Variants in CNTN4 observed in about 807,000 individuals in gnomAD.
CNTN4 encodes contactin-4.
A neutral mutation model predicts 122.5 loss-of-function variants in CNTN4; 77 were observed. The observed-to-expected ratio is 0.63, with a 90% CI of 0.52 to 0.76. CNTN4 has a LOEUF of 0.76. Ranked by LOEUF, CNTN4 falls within the 30% of genes least tolerant of loss-of-function variation. CNTN4 has a pLI of 0.00. For missense variants in CNTN4, 1,256 were observed against 1,259.1 expected (o/e 1.00, Z 0.04); for synonymous variants, 512 against 447.0 (o/e 1.15, Z -1.83).
chr3:2,238,568 C>G (rs1384129190), intron 2 of CNTN4, among the ~76,000 whole-genome samples: 5 of 151,248 alleles, frequency 3.3e-5, no homozygotes, highest in African/African-American at 7.3e-5. Context: ...TAATGCTTTC[C>G]CTTCAGCTAT....
intron 4 of CNTN4, among the ~76,000 whole-genome samples, chr3:2,579,479 T>C (rs1286617052): frequency 6.6e-6 from 1 of 152,050 alleles, no homozygotes; most frequent in Non-Finnish European, 1.5e-5. Flanking sequence ...CATAGATAGG[T>C]CTGCCACTTA....
intron 7 of CNTN4, among the ~76,000 whole-genome samples, chr3:2,865,533 A>C (rs557712673): frequency 6.6e-6 from 1 of 152,354 alleles, no homozygotes; most frequent in African/African-American, 2.4e-5. Context: ...ACTAGTTCTG[A>C]AACCAGAGGC....
intron 13 of CNTN4, among the ~76,000 whole-genome samples, chr3:2,961,026 C>G (rs1168445220): frequency 3.3e-5 from 2 of 60,038 alleles, no homozygotes; most frequent in Admixed American, 3.5e-4. Flanking sequence ...GTCAGGAGAT[C>G]GAGACCATCC....
chr3:2,949,327 G>A (rs1366890026), intron 13 of CNTN4, among the ~76,000 whole-genome samples: 1 of 152,092 alleles, frequency 6.6e-6, no homozygotes, highest in African/African-American at 2.4e-5. Flanking sequence ...AATTCCTACT[G>A]GATTCATAGA....
chr3:3,012,564 C>T (rs1697340268), intron 14 of CNTN4, among the ~76,000 whole-genome samples: 1 of 152,006 alleles, frequency 6.6e-6, no homozygotes, highest in African/African-American at 2.4e-5. Context: ...GTTCTCCTGC[C>T]TCAACCTCCC....
At chr3:2,982,991 G>C (rs1458632245) in intron 13 of CNTN4, among the ~76,000 whole-genome samples, 1 of 151,908 alleles carries the variant, frequency 6.6e-6, no homozygotes, top group African/African-American at 2.4e-5. Flanking sequence ...GAGGCGGGCG[G>C]ATCACGAGGT....
intron 3 of CNTN4, among the ~76,000 whole-genome samples, chr3:2,519,150 A>G (rs1385226260): frequency 6.6e-6 from 1 of 152,138 alleles, no homozygotes; most frequent in Non-Finnish European, 1.5e-5. Flanking sequence ...TGACAATGAA[A>G]AGGGAAGATC....
chr3:2,323,248 A>G (rs1170164840), intron 2 of CNTN4, among the ~76,000 whole-genome samples: 1 of 152,122 alleles, frequency 6.6e-6, no homozygotes, highest in Non-Finnish European at 1.5e-5. Flanking sequence ...TAACAAAATC[A>G]AGCCCCATTA....
intron 13 of CNTN4, among the ~76,000 whole-genome samples, chr3:2,975,559 C>T (rs780267915): frequency 1.3e-5 from 2 of 152,214 alleles, no homozygotes; most frequent in African/African-American, 4.8e-5. Context: ...ACTTCTTAAG[C>T]ATCTCCATGC....
intron 4 of CNTN4, among the ~76,000 whole-genome samples, chr3:2,613,931 G>T (rs1347685687): frequency 6.6e-6 from 1 of 151,996 alleles, no homozygotes; most frequent in Non-Finnish European, 1.5e-5. Flanking sequence ...CAAATACTGA[G>T]TACCTTCTAT....
At chr3:2,640,599 G>A (rs769853884) in intron 4 of CNTN4, among the ~76,000 whole-genome samples, 1 of 151,988 alleles carries the variant, frequency 6.6e-6, no homozygotes, top group Non-Finnish European at 1.5e-5. Context: ...GATAATAACT[G>A]GACACAAGAA....
chr3:2,653,856 T>C (rs1040002003), intron 4 of CNTN4, among the ~76,000 whole-genome samples: 4 of 152,218 alleles, frequency 2.6e-5, no homozygotes, highest in African/African-American at 7.2e-5. Context: ...GACCAGTTCG[T>C]CTCTACCAAA....
At chr3:2,433,632 C>T (rs1337367231) in intron 3 of CNTN4, among the ~76,000 whole-genome samples, 1 of 151,978 alleles carries the variant, frequency 6.6e-6, no homozygotes, top group Non-Finnish European at 1.5e-5. Context: ...TGATGCAGTC[C>T]CATTTCTTTA....
At position 2,841,110 on chromosome 3, in the gene CNTN4, C is replaced by G. The variant is rs1240230387; in HGVS notation, c.454+21529C>G. 6.6e-6 allele frequency among the ~76,000 whole-genome samples: 1 copy of G among 152,166 alleles called. No individual in the cohort carries two copies. Among genetic ancestry groups the G allele is most frequent in the Admixed American group, 6.5e-5 (1 of 15,270 alleles). Reference sequence around the variant, plus strand: ...GACTGATACCAATCTCATCATTGGACTAGATTTCTCAGTGAAGATAATCTG... The same window carrying G: ...GACTGATACCAATCTCATCATTGGAGTAGATTTCTCAGTGAAGATAATCTG... On this transcript the variant is annotated intron_variant, in intron 7 of 24. Coordinates refer to ENST00000418658, the MANE Select transcript of CNTN4 (RefSeq NM_175607.3). The surrounding 1 kb of genome is among the most constrained non-coding windows in gnomAD (Gnocchi z 4.8).
intron 13 of CNTN4, among the ~76,000 whole-genome samples, chr3:2,981,350 G>A (rs141950467): frequency 0.079 from 11,945 of 150,528 alleles, 1,522 homozygotes; most frequent in African/African-American, 0.25. Flanking sequence ...AGGCTGAGGC[G>A]GGAGAATGGC....
chr3:2,523,102 C>G (rs1484232834), intron 3 of CNTN4, among the ~76,000 whole-genome samples: 1 of 152,028 alleles, frequency 6.6e-6, no homozygotes, highest in Non-Finnish European at 1.5e-5. Flanking sequence ...AGAATAGATG[C>G]TATCTCCAGA....
intron 4 of CNTN4, among the ~76,000 whole-genome samples, chr3:2,716,969 A>T (rs934680676): frequency 6.6e-6 from 1 of 152,204 alleles, no homozygotes; most frequent in African/African-American, 2.4e-5. Context: ...TGGATGAATA[A>T]TATTCCACTG....
At chr3:2,186,707 C>T (rs1304018045) in intron 2 of CNTN4, among the ~76,000 whole-genome samples, 2 of 152,166 alleles carry the variant, frequency 1.3e-5, no homozygotes, top group East Asian at 1.9e-4. Context: ...TTTCATGTGT[C>T]TGTTGGCTGC....
At chr3:2,634,149 T>A (rs2082558177) in intron 4 of CNTN4, among the ~76,000 whole-genome samples, 1 of 152,218 alleles carries the variant, frequency 6.6e-6, no homozygotes, top group African/African-American at 2.4e-5. Context: ...TACACAAATG[T>A]ATTAGCTTCC....
Sources: gnomAD v4.1 joint callset for allele counts (sites outside exome capture counted in the v4.1 genomes callset) on GRCh38, gnomAD v4.1.1 for gene constraint, Gnocchi (gnomAD v3.1) non-coding constraint, MANE v1.5 for transcripts, NCBI Gene and HGNC (gene_info 2026-07-23, HGNC 2026-07-21) for gene names.